The following CIMIP2C variants were observed in gnomAD, a reference collection of about 807,000 sequenced individuals.
CIMIP2C encodes the protein ciliary microtubule inner protein 2C, also known as UPF0573 protein C2orf70.
chr2:26,564,695 TTG>T, the CIMIP2C span, among the ~76,000 whole-genome samples: 2 of 152,260 alleles, frequency 1.3e-5, no homozygotes, highest in Admixed American at 6.5e-5. Context: ...ATTCTTATTT[TTG>T]TGTGTCTGTT....
the CIMIP2C span, among the ~76,000 whole-genome samples, chr2:26,568,803 C>A: frequency 6.6e-5 from 10 of 152,050 alleles, no homozygotes; most frequent in Non-Finnish European, 1.3e-4. Context: ...GGTGGATTAC[C>A]TGAGGTCAGG....
chr2:26,563,467 C>T, the CIMIP2C span, among the ~76,000 whole-genome samples: 1 of 152,220 alleles, frequency 6.6e-6, no homozygotes, highest in Non-Finnish European at 1.5e-5. Context: ...TGGACCGCCT[C>T]TCCCAGGGTG....
At chr2:26,571,578 C>T in the CIMIP2C span, among the ~76,000 whole-genome samples, 1 of 152,174 alleles carries the variant, frequency 6.6e-6, no homozygotes, top group African/African-American at 2.4e-5. Context: ...CAGCAGGTTC[C>T]TGATAAATTA....
chr2:26,564,897 G>A, the CIMIP2C span, among the ~76,000 whole-genome samples: 1 of 152,170 alleles, frequency 6.6e-6, no homozygotes, highest in Non-Finnish European at 1.5e-5. Flanking sequence ...TGAGCCCCAC[G>A]CTGGTGATTG....
chr2:26,577,210 G>A, the CIMIP2C span, among the ~76,000 whole-genome samples: 13 of 152,228 alleles, frequency 8.5e-5, no homozygotes, highest in Admixed American at 3.9e-4. Flanking sequence ...GCAGGTGTGC[G>A]TACGCCTGCG....
chr2:26,572,229 T>C, the CIMIP2C span: 18 of 1,394,294 alleles, frequency 1.3e-5, no homozygotes, highest in African/African-American at 1.5e-4. Flanking sequence ...ACAGGTTTTA[T>C]AACATTTACA....
chr2:26,572,266 A>C, the CIMIP2C span: 2 of 1,047,780 alleles, frequency 1.9e-6, no homozygotes, highest in Non-Finnish European at 2.7e-6. Context: ...GCATTCACCT[A>C]GTTGCTATTC....
At chr2:26,578,941 T>C in the CIMIP2C span, 2 of 482,864 alleles carry the variant, frequency 4.1e-6, no homozygotes, top group African/African-American at 2.0e-5. Context: ...TGTTGTGTGT[T>C]TACTCCTTGT....
the CIMIP2C span, chr2:26,562,676 C>A: frequency 1.3e-6 from 2 of 1,575,382 alleles, no homozygotes; most frequent in Non-Finnish European, 1.7e-6. Flanking sequence ...GCCCCCTGGA[C>A]TCATGCCCGG....
chr2:26,567,107 C>G, the CIMIP2C span, among the ~76,000 whole-genome samples: 3 of 152,168 alleles, frequency 2.0e-5, no homozygotes, highest in Non-Finnish European at 4.4e-5. Flanking sequence ...AAGTTGATTC[C>G]TTTGAAGCCA....
chr2:26,572,757 T>G, the CIMIP2C span, among the ~76,000 whole-genome samples: 2 of 152,150 alleles, frequency 1.3e-5, no homozygotes, highest in African/African-American at 4.8e-5. Context: ...CCTGTCCATC[T>G]AACACCTAAG....
chr2:26,566,137 C>G, the CIMIP2C span, among the ~76,000 whole-genome samples: 41 of 152,252 alleles, frequency 2.7e-4, no homozygotes, highest in African/African-American at 7.5e-4. Flanking sequence ...AGTGCAGACA[C>G]TTGGCCTGCG....
At chr2:26,572,056 C>T in the CIMIP2C span, 1 of 1,514,826 alleles carries the variant, frequency 6.6e-7, no homozygotes. Flanking sequence ...AGGATAAAAA[C>T]CATCAAAGGA....
At chr2:26,573,546 A>C in the CIMIP2C span, among the ~76,000 whole-genome samples, 1 of 152,216 alleles carries the variant, frequency 6.6e-6, no homozygotes, top group African/African-American at 2.4e-5. Context: ...CCAGGCCGGG[A>C]GGAAGACTCT....
the CIMIP2C span, among the ~76,000 whole-genome samples, chr2:26,571,488 G>A: frequency 6.6e-6 from 1 of 152,206 alleles, no homozygotes; most frequent in Non-Finnish European, 1.5e-5. Context: ...AGTAAACACC[G>A]AGTGAGGATT....
At chr2:26,579,394 C>G in the CIMIP2C span, 17 of 1,614,046 alleles carry the variant, frequency 1.1e-5, no homozygotes, top group Non-Finnish European at 1.3e-5. Flanking sequence ...GGTCTCTCCA[C>G]AGGAGCGGAA....
At chr2:26,572,977 C>A in the CIMIP2C span, among the ~76,000 whole-genome samples, 1 of 152,246 alleles carries the variant, frequency 6.6e-6, no homozygotes, top group African/African-American at 2.4e-5. Context: ...GCTTCATCTA[C>A]AGCACGAAGT....
the CIMIP2C span, among the ~76,000 whole-genome samples, chr2:26,573,475 G>A: frequency 7.0e-6 from 1 of 143,580 alleles, no homozygotes; most frequent in Non-Finnish European, 1.5e-5. Flanking sequence ...GGGAGGAGTC[G>A]GATGGGACAA....
the CIMIP2C span, among the ~76,000 whole-genome samples, chr2:26,566,495 T>G: frequency 6.6e-6 from 1 of 152,226 alleles, no homozygotes; most frequent in Non-Finnish European, 1.5e-5. Flanking sequence ...TTTGTAACAT[T>G]CATCCGTATC....
Sources: allele counts gnomAD v4.1 joint callset (sites outside exome capture counted in the v4.1 genomes callset), GRCh38; gene constraint gnomAD v4.1.1; transcripts MANE v1.5; gene names NCBI Gene and HGNC (gene_info 2026-07-23, HGNC 2026-07-21).